Variants in PAK3 observed in about 807,000 individuals in gnomAD.
The protein encoded by PAK3 is serine/threonine-protein kinase PAK 3.
In PAK3, 4 loss-of-function variants were observed where a neutral mutation model predicts 41.0. That is an observed-to-expected ratio of 0.10 (90% CI 0.05 to 0.22). PAK3 has a LOEUF of 0.22. Among genes scored for constraint, PAK3 ranks in the 10% least tolerant of loss-of-function variants. The probability of loss-of-function intolerance (pLI) is 1.00; values close to 1 mark genes in which losing one functional copy is unlikely to be tolerated. For missense variants in PAK3, 205 were observed against 409.9 expected (o/e 0.50, Z 4.32); for synonymous variants, 146 against 139.6 (o/e 1.05, Z -0.32).
intron 6 of PAK3, chrX:111,146,473 A>T: frequency 1.1e-6 from 1 of 874,726 alleles, no homozygotes; most frequent in Non-Finnish European, 1.6e-6. Flanking sequence ...AAGTTGTCCC[A>T]CATTCTGTTT....
chrX:110,955,925 G>A (rs1330062863), intron 1 of PAK3, among the ~76,000 whole-genome samples: 2 of 112,002 alleles, frequency 1.8e-5, no homozygotes. Flanking sequence ...GTAGGGTAAA[G>A]GTTAAAAGAT....
chrX:111,085,756 T>C (rs1486571418), intron 1 of PAK3, among the ~76,000 whole-genome samples: 2 of 111,726 alleles, frequency 1.8e-5, no homozygotes, highest in Non-Finnish European at 1.9e-5. Flanking sequence ...ATTGAAGCAT[T>C]GTTGCCCACT....
chrX:111,200,163 A>G (rs769962781), intron 16 of PAK3, among the ~76,000 whole-genome samples: 31 of 111,734 alleles, frequency 2.8e-4, no homozygotes, highest in Non-Finnish European at 2.4e-4. Flanking sequence ...TTCTTAGTAA[A>G]TGGTTAAGTG....
chrX:111,097,171 G>C (rs1296757640), intron 1 of PAK3, among the ~76,000 whole-genome samples: 1 of 107,689 alleles, frequency 9.3e-6, no homozygotes, highest in Admixed American at 9.9e-5. Flanking sequence ...GCTCGCTGGG[G>C]GACATTGCCC....
chrX:111,166,083 G>T (rs1294418782), intron 10 of PAK3, among the ~76,000 whole-genome samples: 1 of 110,753 alleles, frequency 9.0e-6, no homozygotes, highest in East Asian at 2.9e-4. Flanking sequence ...GTAGATTTTG[G>T]CAGGGTGAAC....
At chrX:110,977,224 A>G (rs1391477121) in intron 1 of PAK3, among the ~76,000 whole-genome samples, 1 of 110,005 alleles carries the variant, frequency 9.1e-6, no homozygotes, top group African/African-American at 3.3e-5. Flanking sequence ...AAATATATAT[A>G]AGATATATAT....
intron 1 of PAK3, among the ~76,000 whole-genome samples, chrX:111,047,613 G>A (rs918713852): frequency 3.6e-5 from 4 of 110,976 alleles, no homozygotes; most frequent in African/African-American, 6.6e-5. Context: ...AGCTTGTGTC[G>A]GCTTCCGCAT....
intron 8 of PAK3, among the ~76,000 whole-genome samples, chrX:111,160,712 T>C (rs372161682): frequency 9.4e-4 from 104 of 110,568 alleles, no homozygotes; most frequent in East Asian, 5.7e-3. Context: ...TGAGAACATG[T>C]GGTGTTTGGT....
chrX:111,050,794 G>C lies in PAK3; in HGVS notation c.-27-72283G>C, dbSNP rs184425020. On this transcript the variant is annotated intron_variant, in intron 1 of 14. Transcript: ENST00000425146. The stretch of plus-strand genomic sequence containing the variant: ...GCTGTTGGCAGATTGGCACCAGCCA[G>C]TTTCAATGCTTGTGCAAAGAGCATA... Among the ~76,000 whole-genome samples the C allele has an allele frequency of 3.1e-4, 35 of 112,878 alleles. No individual in the cohort carries two copies. In the East Asian group the frequency reaches 9.8e-3, roughly 32 times the overall value.
intron 1 of PAK3, among the ~76,000 whole-genome samples, chrX:111,083,577 T>C (rs2092854214): frequency 8.9e-6 from 1 of 112,361 alleles, no homozygotes; most frequent in African/African-American, 3.2e-5. Context: ...AAGTGGAACA[T>C]TTCCTCCTTT....
At chrX:110,953,015 C>T (rs190040940) in intron 1 of PAK3, among the ~76,000 whole-genome samples, 1 of 112,111 alleles carries the variant, frequency 8.9e-6, no homozygotes, top group Admixed American at 9.5e-5. Context: ...TACATTTATA[C>T]TTTTTGATGG....
chrX:110,977,425 T>C (rs1190277651), intron 1 of PAK3, among the ~76,000 whole-genome samples: 2 of 110,771 alleles, frequency 1.8e-5, no homozygotes, highest in East Asian at 2.8e-4. Context: ...TCTTGCCAAT[T>C]TCTATTTTAA....
At chrX:111,193,098 G>T (rs1174310984) in intron 13 of PAK3, among the ~76,000 whole-genome samples, 1 of 111,456 alleles carries the variant, frequency 9.0e-6, no homozygotes, top group Non-Finnish European at 1.9e-5. Context: ...TATTAACAGT[G>T]TGTTATAAAT....
chrX:110,993,833 G>A (rs746594978), intron 1 of PAK3, among the ~76,000 whole-genome samples: 22 of 111,238 alleles, frequency 2.0e-4, no homozygotes, highest in Admixed American at 1.3e-3. Context: ...AAATACAAAG[G>A]GAAATTTCCT....
chrX:111,179,479 A>C (rs960900134), intron 11 of PAK3, among the ~76,000 whole-genome samples: 9 of 111,490 alleles, frequency 8.1e-5, no homozygotes, highest in African/African-American at 2.9e-4. Context: ...TAACACAGGA[A>C]CTACTGTATT....
intron 1 of PAK3, among the ~76,000 whole-genome samples, chrX:110,985,737 A>G (rs372993232): frequency 1.2e-4 from 13 of 112,435 alleles, no homozygotes; most frequent in South Asian, 7.4e-4. Flanking sequence ...TTCTCATTTA[A>G]TCTCCACAGT....
intron 1 of PAK3, among the ~76,000 whole-genome samples, chrX:110,997,487 T>C (rs1344578532): frequency 9.0e-6 from 1 of 110,902 alleles, no homozygotes; most frequent in Non-Finnish European, 1.9e-5. Flanking sequence ...AAACTGTATG[T>C]GTTTTGAGAG....
intron 5 of PAK3, among the ~76,000 whole-genome samples, chrX:111,131,216 T>C (rs1327081286): frequency 2.7e-5 from 3 of 111,446 alleles, no homozygotes; most frequent in Non-Finnish European, 5.7e-5. Context: ...GTAACTAGCT[T>C]TTGTAAAAAA....
intron 1 of PAK3, among the ~76,000 whole-genome samples, chrX:111,080,254 G>A (rs2092823239): frequency 9.0e-6 from 1 of 111,319 alleles, no homozygotes; most frequent in Non-Finnish European, 1.9e-5. Context: ...CATTGATGTG[G>A]CAAACTTCTC....
Sources: gnomAD v4.1 joint callset for allele counts (sites outside exome capture counted in the v4.1 genomes callset) on GRCh38, gnomAD v4.1.1 for gene constraint, MANE v1.5 for transcripts, NCBI Gene and HGNC (gene_info 2026-07-23, HGNC 2026-07-21) for gene names.